Variants in EHF observed in about 807,000 individuals in gnomAD.
EHF encodes the protein ETS homologous factor, also known as ESE3 transcription factor.
EHF carries 14 observed loss-of-function variants against 45.1 expected under a neutral mutation model. That is an observed-to-expected ratio of 0.31 (90% CI 0.21 to 0.49). EHF has a LOEUF of 0.49. Among genes scored for constraint, EHF ranks in the 20% least tolerant of loss-of-function variants. EHF has a pLI of 0.99. For missense variants in EHF, 282 were observed against 371.4 expected, an observed-to-expected ratio of 0.76 and a Z score of 1.98; for synonymous variants, 136 against 131.8, an observed-to-expected ratio of 1.03 and a Z score of -0.22.
At chr11:34,641,618 G>A (rs952753873) in intron 1 of EHF, among the ~76,000 whole-genome samples, 1 of 152,134 alleles carries the variant, frequency 6.6e-6, no homozygotes, top group African/African-American at 2.4e-5. Context: ...ATTTTATAAA[G>A]AGCAAGTGAC....
At chr11:34,652,421 A>G (rs146723068) in intron 6 of EHF, among the ~76,000 whole-genome samples, 370 of 152,314 alleles carry the variant, frequency 2.4e-3, no homozygotes, top group African/African-American at 8.1e-3. Context: ...GGGGCTATCC[A>G]TGCTCCTTAA....
chr11:34,645,927 A>T (rs1053878124), intron 2 of EHF, among the ~76,000 whole-genome samples: 3 of 152,072 alleles, frequency 2.0e-5, no homozygotes, highest in Non-Finnish European at 4.4e-5. Flanking sequence ...CAGTTAGTAG[A>T]TCAATAATCT....
intron 6 of EHF, 152 bp from the exon 7 acceptor site, chr11:34,656,756 A>G: frequency 1.3e-6 from 1 of 751,012 alleles, no homozygotes; most frequent in Non-Finnish European, 2.1e-6. Context: ...AGCATTTATC[A>G]TCTCTGTTTT....
chr11:34,637,352 G>C (rs999339662), intron 1 of EHF, among the ~76,000 whole-genome samples: 1 of 152,210 alleles, frequency 6.6e-6, no homozygotes, highest in Non-Finnish European at 1.5e-5. Context: ...GCTGGGATGT[G>C]TCTCTGTGTG....
At chr11:34,633,157 G>C (rs1377424440) in intron 1 of EHF, among the ~76,000 whole-genome samples, 1 of 152,138 alleles carries the variant, frequency 6.6e-6, no homozygotes. Context: ...TGTCTGTTCG[G>C]ACTTCAGAAC....
chr11:34,641,093 G>T (rs190066950), intron 1 of EHF, among the ~76,000 whole-genome samples: 280 of 152,274 alleles, frequency 1.8e-3, no homozygotes, highest in African/African-American at 6.4e-3. Flanking sequence ...TATACATGGT[G>T]CCAGGACATA....
chr11:34,644,817 A>C (rs1854353371), intron 2 of EHF, among the ~76,000 whole-genome samples: 1 of 152,248 alleles, frequency 6.6e-6, no homozygotes, highest in African/African-American at 2.4e-5. Context: ...GAAGCTTGCT[A>C]GGAATGCAGA....
rs1854575039 is a variant in EHF, at chr11:34,646,654, T to C, written c.313T>C (p.Tyr105His). ...GGCAGGGACGGCGGGGCAGCTCCTC[T>C]ACAGCAACTTGCAGCATCTGAAGTG... ...RAAGTAGQLL[Y>H]SNLQHLKWNG... The change falls in exon 3 of 9, where the codon TAC (tyrosine) becomes CAC (histidine). Residue 105 changes from tyrosine (Y) to histidine (H), a missense_variant. Tyr to His is a moderately conservative substitution (Grantham distance 83). Transcript: ENST00000257831. 3.1e-6 allele frequency: 5 copies of C among 1,612,560 alleles called. No individual in the cohort carries two copies. The South Asian group carries it at 3.3e-5, about 11-fold the overall frequency.
chr11:34,626,302 T>C (rs547120104), intron 1 of EHF, among the ~76,000 whole-genome samples: 1 of 152,344 alleles, frequency 6.6e-6, no homozygotes, highest in Non-Finnish European at 1.5e-5. Context: ...AAAAGTCTGT[T>C]GAGCTTTTCC....
chr11:34,622,055 C>T (rs1216863509), intron 1 of EHF: 1 of 159,002 alleles, frequency 6.3e-6, no homozygotes, highest in African/African-American at 2.4e-5. Context: ...AGTTGTGACT[C>T]AGCAGCAACA....
In EHF at chr11:34,658,861, G is replaced by A. The variant is rs775169543; in HGVS notation, c.833G>A (p.Arg278His). The A allele has an allele frequency of 2.1e-5, 34 of 1,612,928 alleles. No homozygotes were observed. Among genetic ancestry groups the A allele is most frequent in the Non-Finnish European group, 2.8e-5 (33 of 1,179,602 alleles). The change falls in exon 9 of 9, where the codon CGT (arginine) becomes CAT (histidine). Residue 278 changes from arginine (R) to histidine (H), a missense_variant. Arg to His is a conservative substitution (Grantham distance 29). Transcript: ENST00000257831. Reference protein sequence around the residue: ...RYYYKREILERVDGRRLVYKF... With the variant: ...RYYYKREILEHVDGRRLVYKF... ...TACTACAAAAGAGAAATTCTGGAGCGTGTGGATGGACGAAGACTGGTATAT... is the reference window on the plus strand; with the variant it reads ...TACTACAAAAGAGAAATTCTGGAGCATGTGGATGGACGAAGACTGGTATAT...
intron 1 of EHF, among the ~76,000 whole-genome samples, chr11:34,635,176 C>T (rs779108380): frequency 4.4e-4 from 67 of 152,086 alleles, no homozygotes; most frequent in Non-Finnish European, 7.4e-4. Context: ...AGTGTTTAAT[C>T]CTGAGTCTCA....
Position 34,660,712 on chromosome 11 carries a change from C to T in EHF, c.*1781C>T, listed in dbSNP as rs1349637207. 1 of 152,090 alleles carries T rather than the reference C, an allele frequency of 6.6e-6. No homozygotes were observed. The highest frequency in any genetic ancestry group is 6.6e-5 in the Admixed American group (1 of 15,256). The allele number at this position is 152,090 out of a possible 1,614,324, so 9.4% of individuals were successfully genotyped here. ...CTTGGCTTGCTCCTCTATTCTACCT[C>T]TCTTTCTCCAGCAATAATATGCAAA... On this transcript the variant is annotated 3_prime_UTR_variant, in exon 9 of 9. Coordinates refer to ENST00000257831, the MANE Select transcript of EHF (RefSeq NM_012153.6).
Position 34,646,486 on chromosome 11 carries a change from T to G in EHF, c.145T>G (p.Tyr49Asp), listed in dbSNP as rs1854550553. Residue 49 changes from tyrosine to aspartate, a missense_variant, in exon 3 of 9, where the codon TAC becomes GAC. Tyr to Asp is a radical substitution (Grantham distance 160). Coordinates refer to ENST00000257831, the MANE Select transcript of EHF (RefSeq NM_012153.6). The stretch of plus-strand genomic sequence containing the variant: ...CCAGTGGCATGAAATTCATCCTCAG[T>G]ACTGGACCAAGTACCAGGTGTGGGA... ...GGQWHEIHPQ[Y>D]WTKYQVWEWL... is the part of the protein sequence containing the mutation. 6.2e-7 allele frequency: 1 copy of G among 1,614,126 alleles called. No individual in the cohort carries two copies. Among genetic ancestry groups the G allele is most frequent in the Non-Finnish European group, 8.5e-7 (1 of 1,179,990 alleles).
chr11:34,655,734 A>G (rs1855603806), intron 6 of EHF, among the ~76,000 whole-genome samples: 1 of 152,332 alleles, frequency 6.6e-6, no homozygotes, highest in African/African-American at 2.4e-5. Context: ...CTCAATAAAC[A>G]GTAGCTTTTT....
At chr11:34,630,812 C>T (rs1852814207) in intron 1 of EHF, among the ~76,000 whole-genome samples, 1 of 152,128 alleles carries the variant, frequency 6.6e-6, no homozygotes, top group African/African-American at 2.4e-5. Context: ...ATATCCCTCC[C>T]CTGTCGGAAC....
At position 34,662,601 on chromosome 11, in the gene EHF, A is replaced by C. The variant is rs1210217419; in HGVS notation, c.*3670A>C. ...ATTATTTTTTTCCTTTTTGAAAAAT[A>C]CTGAGGGATCTTTTGATAAAGTTAG... is the stretch of plus-strand genomic sequence containing the variant. On this transcript the variant is annotated 3_prime_UTR_variant, in exon 9 of 9. Coordinates refer to ENST00000257831, the MANE Select transcript of EHF (RefSeq NM_012153.6). Among the ~76,000 whole-genome samples, 1 of 152,126 alleles carries C rather than the reference A, an allele frequency of 6.6e-6. No homozygotes were observed. Among genetic ancestry groups the C allele is most frequent in the East Asian group, 1.9e-4 (1 of 5,196 alleles).
chr11:34,645,265 AT>A (rs989817586), intron 2 of EHF, among the ~76,000 whole-genome samples: 24 of 152,160 alleles, frequency 1.6e-4, no homozygotes, highest in African/African-American at 5.8e-4. Context: ...GTTAGCACAT[AT>A]TAGGTTCAGC....
intron 2 of EHF, among the ~76,000 whole-genome samples, chr11:34,645,744 A>G (rs1394870184): frequency 6.6e-6 from 1 of 152,230 alleles, no homozygotes; most frequent in East Asian, 1.9e-4. Flanking sequence ...AACAGCATAG[A>G]GAAAAGACAA....
Sources: allele counts gnomAD v4.1 joint callset (sites outside exome capture counted in the v4.1 genomes callset), GRCh38; gene constraint gnomAD v4.1.1; transcripts MANE v1.5; gene names NCBI Gene and HGNC (gene_info 2026-07-23, HGNC 2026-07-21).